EEF1G: variants seen among roughly 807,000 people sequenced by gnomAD.
The protein encoded by EEF1G is elongation factor 1-gamma.
In EEF1G, 14 loss-of-function variants were observed where a neutral mutation model predicts 58.3. The ratio of observed to expected loss-of-function variants is 0.24; its 90% CI spans 0.16 to 0.38. The LOEUF (loss-of-function observed/expected upper bound fraction) is 0.38. Ranked by LOEUF, EEF1G falls within the 10% of genes least tolerant of loss-of-function variation. The pLI is 1.00. For synonymous variants in EEF1G, 180 were observed against 206.8 expected, an observed-to-expected ratio of 0.87 and a Z score of 1.11; for missense variants, 322 against 550.1, an observed-to-expected ratio of 0.59 and a Z score of 4.15.
chr11:62,569,418 G>A (rs540645798), intron 5 of EEF1G, among the ~76,000 whole-genome samples: 2 of 152,310 alleles, frequency 1.3e-5, no homozygotes, highest in South Asian at 4.1e-4. Context: ...AGGTTGCAAT[G>A]AGCCAAGATC....
intron 5 of EEF1G, among the ~76,000 whole-genome samples, chr11:62,569,339 T>C (rs932634367): frequency 2.0e-5 from 3 of 152,080 alleles, no homozygotes; most frequent in Admixed American, 6.5e-5. Flanking sequence ...ACGGGTTTGG[T>C]GGCGCATGCC....
chr11:62,569,087 A>ACACG (rs534590089), intron 5 of EEF1G, among the ~76,000 whole-genome samples: 3 of 148,976 alleles, frequency 2.0e-5, no homozygotes, highest in Non-Finnish European at 3.0e-5. Context: ...ACACACACGC[A>ACACG]CACACACACA....
chr11:62,560,326 G>A lies in EEF1G; in HGVS notation c.986C>T (p.Pro329Leu), dbSNP rs750407493. Reference sequence around the variant, plus strand: ...CATGAAGGTCTGAGTGAGTTCTTCAGGGAAGCGATACTCTGAGTACCACAG... The same window carrying A: ...CATGAAGGTCTGAGTGAGTTCTTCAAGGAAGCGATACTCTGAGTACCACAG... ...WSLWYSEYRFPEELTQTFMSC... is the reference protein window; with the variant it reads ...WSLWYSEYRFLEELTQTFMSC... Residue 329 changes from proline (P) to leucine (L), a missense_variant, in exon 8 of 10, where the codon CCT becomes CTT. Pro to Leu is a moderately conservative substitution (Grantham distance 98). Coordinates refer to ENST00000329251, the MANE Select transcript of EEF1G (RefSeq NM_001404.5). 3.1e-5 allele frequency: 50 copies of A among 1,611,680 alleles called. No homozygotes were observed. The highest frequency in any genetic ancestry group is 4.0e-5 in the Non-Finnish European group (47 of 1,178,844).
intron 5 of EEF1G, among the ~76,000 whole-genome samples, 180 bp from the exon 6 acceptor site, chr11:62,567,708 ATTT>A (rs71458421): frequency 7.0e-6 from 1 of 143,480 alleles, no homozygotes; most frequent in Admixed American, 7.0e-5. Flanking sequence ...ATTTTTTTCA[ATTT>A]TTTTTTTTTT....
Position 62,572,668 on chromosome 11 carries a change from G to C in EEF1G, c.87C>G (p.Val29=), listed in dbSNP as rs1233351323. 1 of 1,613,102 alleles carries C rather than the reference G, an allele frequency of 6.2e-7. No homozygotes were observed. Among genetic ancestry groups the C allele is most frequent in the East Asian group, 2.2e-5 (1 of 44,880 alleles). ...AGTGGGGTGGTGCGGAGAGCACGCG[G>C]ACCTGAGCCCCGCTGTACTGAGCAG... ...LIAAQYSGAQ[V]RVLSAPPHFH... The change falls in exon 2 of 10, where the codon GTC becomes GTG. Residue 29 remains valine (V), a synonymous_variant. Transcript: ENST00000329251.
intron 2 of EEF1G, 30 bp downstream of exon 2, chr11:62,572,554 C>T (rs1318641147): frequency 1.9e-6 from 3 of 1,610,990 alleles, no homozygotes; most frequent in African/African-American, 2.7e-5. Context: ...TTTCTCAGAA[C>T]CGAAGGATGC....
chr11:62,559,704 A>T lies in EEF1G; in HGVS notation c.1289T>A (p.Phe430Tyr). The T allele has an allele frequency of 6.2e-7, 1 of 1,613,972 alleles. No individual in the cohort carries two copies. Among genetic ancestry groups the T allele is most frequent in the Non-Finnish European group, 8.5e-7 (1 of 1,179,888 alleles). ...EGAFQHVGKA[F>Y]NQGKIFK ...TCACTTGAAGATCTTGCCCTGATTG[A>T]AGGCTTTGCCCACATGCTGGAAGGC... The change falls in exon 10 of 10, where the codon TTC (phenylalanine) becomes TAC (tyrosine). Residue 430 changes from phenylalanine to tyrosine, a missense_variant. Physicochemically the swap from Phe to Tyr is conservative, Grantham distance 22. Transcript: ENST00000329251.
chr11:62,572,813 G>T lies in EEF1G; in HGVS notation c.13-71C>A. On this transcript the variant is annotated intron_variant, in intron 1 of 9. Transcript: ENST00000329251. ...AGTCCTTAATGCCACTCTCCAGGAT[G>T]ACTTTCCTGAATAATCCCAATGTAT... is the stretch of plus-strand genomic sequence containing the variant. 2.8e-6 allele frequency: 4 copies of T among 1,429,004 alleles called. No homozygotes were observed. The South Asian group carries it at 5.2e-5, about 18-fold the overall frequency. The allele number at this position is 1,429,004 out of a possible 1,614,324, so 88.5% of individuals were successfully genotyped here.
intron 4 of EEF1G, 121 bp downstream of exon 4, chr11:62,571,419 G>T: frequency 1.4e-6 from 2 of 1,403,044 alleles, no homozygotes; most frequent in Non-Finnish European, 1.9e-6. Context: ...TAGAGATTAC[G>T]TCTTCTCATT....
chr11:62,568,670 A>G (rs1565261984), intron 5 of EEF1G, among the ~76,000 whole-genome samples: 3 of 151,910 alleles, frequency 2.0e-5, no homozygotes, highest in South Asian at 2.1e-4. Flanking sequence ...ACTGTTTCCA[A>G]TCTTTTAAAT....
rs377593862 is a variant in EEF1G at position 62,568,030 on chromosome 11, C to T, written c.523-502G>A. 1.5e-4 allele frequency among the ~76,000 whole-genome samples: 23 copies of T among 151,246 alleles called. No individual in the cohort carries two copies. The South Asian group carries it at 4.6e-3, about 30-fold the overall frequency. On this transcript the variant is annotated intron_variant, in intron 5 of 9. Transcript: ENST00000329251. Reference sequence around the variant, plus strand: ...GGATCACGAGGTCAGGAGATCGAGACCATCCTGGCTAACACGGTGAACCCC... The same window carrying T: ...GGATCACGAGGTCAGGAGATCGAGATCATCCTGGCTAACACGGTGAACCCC...
intron 5 of EEF1G, among the ~76,000 whole-genome samples, chr11:62,568,883 G>C (rs1269829812): frequency 6.6e-6 from 1 of 151,704 alleles, no homozygotes; most frequent in African/African-American, 2.4e-5. Context: ...TGAGGCAAGA[G>C]AATCACTTGA....
chr11:62,570,141 T>C (rs1208722555), intron 5 of EEF1G, among the ~76,000 whole-genome samples: 2 of 151,666 alleles, frequency 1.3e-5, no homozygotes, highest in Non-Finnish European at 2.9e-5. Flanking sequence ...GGCTCACTGC[T>C]ACCTCCACCT....
chr11:62,561,688 A>AAAAAAAAAAAAACAAAAC (rs1941498250), intron 7 of EEF1G, among the ~76,000 whole-genome samples: 5 of 140,430 alleles, frequency 3.6e-5, no homozygotes, highest in African/African-American at 7.7e-5. Context: ...AAAACAAAAA[A>AAAAAAAAAAAAACAAAAC]AAAAAAAACA....
chr11:62,573,666 T>C, intron 1 of EEF1G, 165 bp downstream of exon 1: 1 of 987,286 alleles, frequency 1.0e-6, no homozygotes, highest in Admixed American at 2.2e-5. Flanking sequence ...CCAGCCTCAG[T>C]TCCCCTCCAG....
At chr11:62,561,103 C>G (rs1941489058) in intron 7 of EEF1G, among the ~76,000 whole-genome samples, 1 of 152,190 alleles carries the variant, frequency 6.6e-6, no homozygotes, top group Non-Finnish European at 1.5e-5. Flanking sequence ...TTCTTTCTTT[C>G]CAGTTATAAA....
intron 7 of EEF1G, among the ~76,000 whole-genome samples, chr11:62,565,658 A>G (rs1357663450): frequency 6.6e-6 from 1 of 152,180 alleles, no homozygotes; most frequent in East Asian, 1.9e-4. Context: ...TACACACACC[A>G]AAAATCCTGC....
intron 8 of EEF1G, 35 bp downstream of exon 8, chr11:62,560,247 C>G (rs979155586): frequency 2.2e-5 from 36 of 1,613,964 alleles, no homozygotes; most frequent in Non-Finnish European, 2.9e-5. Flanking sequence ...CTTGCTACAC[C>G]TTGTTCTCCT....
intron 7 of EEF1G, among the ~76,000 whole-genome samples, chr11:62,560,679 T>G (rs1400559456): frequency 6.6e-6 from 1 of 152,182 alleles, no homozygotes. Flanking sequence ...GAACTCAAAG[T>G]GGGACTCTGA....
Sources: allele counts gnomAD v4.1 joint callset (sites outside exome capture counted in the v4.1 genomes callset), GRCh38; gene constraint gnomAD v4.1.1; transcripts MANE v1.5; gene names NCBI Gene and HGNC (gene_info 2026-07-23, HGNC 2026-07-21).